The following SYT9 variants were observed in gnomAD, a reference collection of about 807,000 sequenced individuals.
The protein encoded by SYT9 is synaptotagmin-9.
Under a neutral mutation model 48.4 loss-of-function variants are expected in SYT9, and 22 were observed. The ratio of observed to expected loss-of-function variants is 0.45; its 90% confidence interval spans 0.32 to 0.65. The LOEUF (loss-of-function observed/expected upper bound fraction) is 0.65, where lower values mean the gene tolerates loss of function less well. SYT9 is among the 30% of genes least tolerant of loss of function. The pLI is 0.03. For synonymous variants in SYT9, 265 were observed against 245.0 expected, an observed-to-expected ratio of 1.08 and a Z score of -0.76; for missense variants, 577 against 622.0, an observed-to-expected ratio of 0.93 and a Z score of 0.77.
At chr11:7,289,727 CTT>C (rs777661848) in intron 1 of SYT9, among the ~76,000 whole-genome samples, 4 of 152,086 alleles carry the variant, frequency 2.6e-5, no homozygotes, top group Non-Finnish European at 5.9e-5. Flanking sequence ...GTGTTGTAAT[CTT>C]AAGTATTATT....
At chr11:7,401,297 A>T (rs1268851532) in intron 3 of SYT9, among the ~76,000 whole-genome samples, 1 of 150,950 alleles carries the variant, frequency 6.6e-6, no homozygotes, top group African/African-American at 2.4e-5. Flanking sequence ...AAGACATTTC[A>T]TTATATTTTG....
At chr11:7,287,568 G>T (rs1047750745) in intron 1 of SYT9, among the ~76,000 whole-genome samples, 2 of 152,134 alleles carry the variant, frequency 1.3e-5, no homozygotes, top group East Asian at 1.9e-4. Flanking sequence ...TGGTTTCTCA[G>T]CTCACTAGTG....
chr11:7,367,110 C>T (rs1241921583), intron 3 of SYT9, among the ~76,000 whole-genome samples: 25 of 106,692 alleles, frequency 2.3e-4, no homozygotes, highest in African/African-American at 8.8e-4. Context: ...GAGACGGAGC[C>T]TCGCTCTGTC....
At chr11:7,365,630 G>A (rs758451669) in intron 3 of SYT9, among the ~76,000 whole-genome samples, 3 of 152,146 alleles carry the variant, frequency 2.0e-5, no homozygotes, top group Non-Finnish European at 2.9e-5. Context: ...ATGAATTAGC[G>A]AATTAAACTT....
upstream of SYT9, among the ~76,000 whole-genome samples, chr11:7,248,286 C>T (rs1415929581): frequency 6.6e-6 from 1 of 151,182 alleles, no homozygotes; most frequent in Non-Finnish European, 1.5e-5. Context: ...TGTCTGTTTA[C>T]TCTGCTGTTT....
At chr11:7,316,296 A>C (rs1010689839) in intron 3 of SYT9, among the ~76,000 whole-genome samples, 1 of 152,040 alleles carries the variant, frequency 6.6e-6, no homozygotes, top group Non-Finnish European at 1.5e-5. Context: ...GCCAAGAGAA[A>C]ACCACTATCT....
intron 3 of SYT9, among the ~76,000 whole-genome samples, chr11:7,333,334 A>G (rs1418432784): frequency 6.6e-6 from 1 of 152,214 alleles, no homozygotes; most frequent in Non-Finnish European, 1.5e-5. Flanking sequence ...TGCTTTGCTA[A>G]AGACATGGTA....
In SYT9 at chr11:7,303,256, C is replaced by G. The variant is rs781167907; in HGVS notation, c.363C>G (p.Pro121=). 7.4e-5 allele frequency: 119 copies of G among 1,613,998 alleles called. No homozygotes were observed. The highest frequency in any genetic ancestry group is 9.7e-5 in the Non-Finnish European group (115 of 1,179,982). Residue 121 remains proline, a synonymous_variant, in exon 2 of 7, where the codon CCC becomes CCG. Transcript: ENST00000318881. The part of the protein sequence containing the change: ...NSEDFLDPPT[P]CPDSSMKISH... ...AGGACTTCCTAGATCCTCCCACGCC[C>G]TGCCCTGACTCCTCCATGAAGATCA...
intron 1 of SYT9, among the ~76,000 whole-genome samples, chr11:7,276,103 ATCT>A (rs1489570015): frequency 6.6e-6 from 1 of 152,056 alleles, no homozygotes; most frequent in African/African-American, 2.4e-5. Context: ...TGTATGTTTT[ATCT>A]TCATGGGTGA....
Position 7,241,727 on chromosome 11 carries a change from T to C in SYT9, c.49+2811T>C, listed in dbSNP as rs112272231. On this transcript the variant is annotated intron_variant and NMD_transcript_variant, in intron 1 of 8. Transcript: ENST00000524820. ...ATCACCTGGGCTTTAATCAATTCTT[T>C]AGTAAGCTGTGTATAATTCATTTCG... Among the ~76,000 whole-genome samples, 117 of 152,358 alleles carry C rather than the reference T, an allele frequency of 7.7e-4. 2 individuals are homozygous for C. Among genetic ancestry groups the C allele is most frequent in the African/African-American group, 2.6e-3 (109 of 41,574 alleles).
At chr11:7,356,301 C>T (rs1166860842) in intron 3 of SYT9, among the ~76,000 whole-genome samples, 1 of 152,134 alleles carries the variant, frequency 6.6e-6, no homozygotes, top group Non-Finnish European at 1.5e-5. Flanking sequence ...AATTTCAATA[C>T]CTTCTTTGAA....
At chr11:7,379,743 C>A (rs1850525927) in intron 3 of SYT9, among the ~76,000 whole-genome samples, 1 of 152,098 alleles carries the variant, frequency 6.6e-6, no homozygotes, top group African/African-American at 2.4e-5. Flanking sequence ...CTTTCATCTG[C>A]TTACATATCT....
At chr11:7,417,273 A>T (rs943153520) in intron 4 of SYT9, among the ~76,000 whole-genome samples, 3 of 152,152 alleles carry the variant, frequency 2.0e-5, no homozygotes, top group Non-Finnish European at 4.4e-5. Flanking sequence ...GCAGGTGAAA[A>T]TAGAACAAGG....
At chr11:7,455,177 G>C (rs1848127133) in intron 6 of SYT9, among the ~76,000 whole-genome samples, 1 of 143,360 alleles carries the variant, frequency 7.0e-6, no homozygotes. Flanking sequence ...ACACATTTAA[G>C]GGCCTTTGTT....
intron 3 of SYT9, among the ~76,000 whole-genome samples, chr11:7,319,351 C>A (rs1031574954): frequency 2.0e-5 from 3 of 151,898 alleles, no homozygotes; most frequent in Non-Finnish European, 2.9e-5. Context: ...CTGGGAATAA[C>A]AATTTGGGAG....
chr11:7,387,600 G>A (rs1850686084), intron 3 of SYT9, among the ~76,000 whole-genome samples: 1 of 152,056 alleles, frequency 6.6e-6, no homozygotes, highest in Non-Finnish European at 1.5e-5. Flanking sequence ...CAAATACAAT[G>A]TTCAATAGAA....
At chr11:7,464,961 G>A (rs1417907010) in intron 6 of SYT9, among the ~76,000 whole-genome samples, 2 of 151,856 alleles carry the variant, frequency 1.3e-5, no homozygotes, top group African/African-American at 2.4e-5. Context: ...GGTGGCGGGC[G>A]CCTGTAGTCC....
intron 3 of SYT9, among the ~76,000 whole-genome samples, chr11:7,401,794 A>G (rs964987188): frequency 1.3e-5 from 2 of 151,694 alleles, no homozygotes; most frequent in Admixed American, 6.6e-5. Context: ...CAGTGTCACT[A>G]GGATGTTGTT....
intron 5 of SYT9, among the ~76,000 whole-genome samples, chr11:7,419,708 C>T (rs1847314503): frequency 6.6e-6 from 1 of 152,044 alleles, no homozygotes; most frequent in Non-Finnish European, 1.5e-5. Flanking sequence ...ACCAGCCTGG[C>T]CAACGTGGTG....
Sources: gnomAD v4.1 joint callset for allele counts (sites outside exome capture counted in the v4.1 genomes callset) on GRCh38, gnomAD v4.1.1 for gene constraint, MANE v1.5 for transcripts, NCBI Gene and HGNC (gene_info 2026-07-23, HGNC 2026-07-21) for gene names.